Variants in POLA1 observed in about 807,000 individuals in gnomAD.
POLA1 encodes the protein DNA polymerase alpha 1, catalytic subunit.
POLA1 carries 15 observed loss-of-function variants against 124.0 expected under a neutral mutation model. That is an observed-to-expected ratio of 0.12 (90% CI 0.08 to 0.19). POLA1 has a LOEUF of 0.19. Ranked by LOEUF, POLA1 falls within the 10% of genes least tolerant of loss-of-function variation. The probability of loss-of-function intolerance (pLI) is 1.00; values close to 1 mark genes in which losing one functional copy is unlikely to be tolerated. For missense variants in POLA1, 886 were observed against 1,103.4 expected, an observed-to-expected ratio of 0.80 and a Z score of 2.79; for synonymous variants, 408 against 389.4, an observed-to-expected ratio of 1.05 and a Z score of -0.56.
In POLA1 at chrX:24,717,777, A is replaced by C. The variant is rs749724938; in HGVS notation, c.1087+19A>C. 2.3e-5 allele frequency: 24 copies of C among 1,048,776 alleles called. No individual in the cohort carries two copies. Among genetic ancestry groups the C allele is most frequent in the Non-Finnish European group, 3.1e-5 (24 of 768,436 alleles). The allele number at this position is 1,048,776 out of a possible 1,213,427, so 86.4% of individuals were successfully genotyped here. A position where few individuals can be genotyped will look rare whatever the true frequency, so the allele number is the denominator to read the frequency against. On this transcript the variant is annotated intron_variant, in intron 10 of 36. Coordinates refer to ENST00000379068, the MANE Select transcript of POLA1 (RefSeq NM_001330360.2). ...CAACCAGGTAATCATATATAAGGTA[A>C]CTATATGCCTTTAACTCAGAGTAGG...
chrX:24,956,356 T>TTA (rs1328400393), intron 36 of POLA1, among the ~76,000 whole-genome samples: 2 of 108,245 alleles, frequency 1.8e-5, no homozygotes, highest in Non-Finnish European at 3.8e-5. Context: ...TTATATATAT[T>TTA]TATATATATA....
chrX:24,974,060 GA>G (rs372716899), intron 36 of POLA1, among the ~76,000 whole-genome samples: 9 of 106,787 alleles, frequency 8.4e-5, no homozygotes, highest in South Asian at 4.1e-4. Flanking sequence ...TAAATGACAG[GA>G]AAAAAAAAAT....
intron 36 of POLA1, among the ~76,000 whole-genome samples, chrX:24,963,396 A>G (rs1183622746): frequency 9.0e-6 from 1 of 111,669 alleles, no homozygotes; most frequent in Non-Finnish European, 1.9e-5. Context: ...CTTTGTCAAA[A>G]TCCTCTTTCA....
intron 34 of POLA1, among the ~76,000 whole-genome samples, chrX:24,868,554 CTT>C (rs2046825091): frequency 8.9e-6 from 1 of 111,908 alleles, no homozygotes; most frequent in African/African-American, 3.3e-5. Flanking sequence ...TCTGAAAACT[CTT>C]GTTTCCAGTA....
At chrX:24,758,945 C>T (rs1932750689) in intron 26 of POLA1, among the ~76,000 whole-genome samples, 1 of 111,828 alleles carries the variant, frequency 8.9e-6, no homozygotes, top group Non-Finnish European at 1.9e-5. Context: ...AGGCATGAGC[C>T]ACTGTGCCTG....
chrX:24,728,686 C>T (rs1422926052), intron 15 of POLA1, among the ~76,000 whole-genome samples: 3 of 111,872 alleles, frequency 2.7e-5, no homozygotes, highest in African/African-American at 9.8e-5. Context: ...GACTTTTCCT[C>T]TATACCAGGG....
At chrX:24,835,741 G>T (rs1225753650) in intron 32 of POLA1, among the ~76,000 whole-genome samples, 1 of 110,047 alleles carries the variant, frequency 9.1e-6, no homozygotes, top group Non-Finnish European at 1.9e-5. Context: ...TTATATTTAG[G>T]CTCAATTTAT....
At chrX:24,877,797 A>G (rs947685417) in intron 34 of POLA1, among the ~76,000 whole-genome samples, 1 of 111,651 alleles carries the variant, frequency 9.0e-6, no homozygotes, top group Non-Finnish European at 1.9e-5. Flanking sequence ...ATAATCCTAC[A>G]TTCATGTAAA....
rs775183651 is a variant in POLA1 at position 24,937,482 on chromosome X, C to G, written c.4261+6933C>G. Among the ~76,000 whole-genome samples, 4 of 111,515 alleles carry G rather than the reference C, an allele frequency of 3.6e-5. No individual in the cohort carries two copies. The Admixed American group carries it at 3.8e-4, about 11-fold the overall frequency. On this transcript the variant is annotated intron_variant, in intron 36 of 36. Coordinates refer to ENST00000379068, the MANE Select transcript of POLA1 (RefSeq NM_001330360.2). ...CATAACATGAAAAAAATTATAAGCA[C>G]TAAAATGTTATAGAGAATGTTACTC...
At chrX:24,855,790 AC>A (rs1308023700) in intron 34 of POLA1, among the ~76,000 whole-genome samples, 1 of 110,652 alleles carries the variant, frequency 9.0e-6, no homozygotes, top group African/African-American at 3.3e-5. Context: ...GTATACCAAA[AC>A]CCGTGCATAC....
intron 34 of POLA1, among the ~76,000 whole-genome samples, chrX:24,854,842 G>C (rs1601807644): frequency 9.3e-6 from 1 of 107,964 alleles, no homozygotes; most frequent in Non-Finnish European, 1.9e-5. Context: ...AAAAAAAAAA[G>C]CCCAAAATTT....
intron 35 of POLA1, among the ~76,000 whole-genome samples, chrX:24,904,479 G>T (rs775979664): frequency 7.4e-5 from 8 of 108,540 alleles, no homozygotes; most frequent in South Asian, 4.1e-4. Flanking sequence ...TAACCTTATG[G>T]TGGCAACAGA....
chrX:24,922,598 A>T (rs970857982), intron 35 of POLA1, among the ~76,000 whole-genome samples: 1 of 111,603 alleles, frequency 9.0e-6, no homozygotes, highest in Admixed American at 9.5e-5. Context: ...ACTTTAATAA[A>T]TGAAGAAGCC....
At chrX:24,844,042 A>T (rs1296600566) in intron 34 of POLA1, among the ~76,000 whole-genome samples, 1 of 109,202 alleles carries the variant, frequency 9.2e-6, no homozygotes, top group Non-Finnish European at 1.9e-5. Flanking sequence ...ACTATTGGCT[A>T]TTGTCAGCAA....
At chrX:24,960,429 C>G (rs1351007735) in intron 36 of POLA1, among the ~76,000 whole-genome samples, 1 of 111,524 alleles carries the variant, frequency 9.0e-6, no homozygotes, top group Non-Finnish European at 1.9e-5. Context: ...CTTCGAGGAC[C>G]CAGCCCCCAC....
intron 35 of POLA1, among the ~76,000 whole-genome samples, chrX:24,900,198 C>T (rs2047259570): frequency 8.9e-6 from 1 of 111,786 alleles, no homozygotes; most frequent in Admixed American, 9.5e-5. Context: ...TCATCGGTGA[C>T]CAATAAGCTG....
intron 36 of POLA1, among the ~76,000 whole-genome samples, chrX:24,985,661 T>C (rs1471557797): frequency 8.9e-6 from 1 of 112,334 alleles, no homozygotes; most frequent in African/African-American, 3.2e-5. Flanking sequence ...TCCAAGACTT[T>C]TTGAGCACCA....
chrX:24,734,537 CT>C (rs1325976402), intron 17 of POLA1, among the ~76,000 whole-genome samples: 1 of 111,614 alleles, frequency 9.0e-6, no homozygotes, highest in African/African-American at 3.3e-5. Context: ...TTGGGAGGTA[CT>C]GTTAGATTAG....
At chrX:24,747,311 A>G (rs750706319) in intron 24 of POLA1, among the ~76,000 whole-genome samples, 2 of 108,826 alleles carry the variant, frequency 1.8e-5, no homozygotes, top group Admixed American at 2.0e-4. Context: ...GATTACAGGC[A>G]TGCGCCACCA....
Sources: allele counts gnomAD v4.1 joint callset (sites outside exome capture counted in the v4.1 genomes callset), GRCh38; gene constraint gnomAD v4.1.1; transcripts MANE v1.5; gene names NCBI Gene and HGNC (gene_info 2026-07-23, HGNC 2026-07-21).